The following MKS1 variants were observed in gnomAD, a reference collection of about 807,000 sequenced individuals.
MKS1 encodes MKS transition zone complex subunit 1, also known as tectonic-like complex member MKS1.
A neutral mutation model predicts 83.7 loss-of-function variants in MKS1; 70 were observed. The observed-to-expected ratio is 0.84, with a 90% CI of 0.69 to 1.02. The LOEUF (loss-of-function observed/expected upper bound fraction) is 1.02. Ranked by LOEUF, MKS1 falls within the 50% of genes least tolerant of loss-of-function variation. The pLI is 0.00. For synonymous variants in MKS1, 251 were observed against 273.4 expected (o/e 0.92, Z 0.81); for missense variants, 681 against 726.9 (o/e 0.94, Z 0.73).
rs879116076 is a variant in MKS1, at chr17:58,213,897, A to G, written c.645-28T>C. The stretch of plus-strand genomic sequence containing the variant: ...AGAAATCAGGAAAACACCAAGGTTG[A>G]GGTCAATGGTCCTTCAGGGAAACAA... On this transcript the variant is annotated intron_variant, in intron 6 of 17. Coordinates refer to ENST00000393119, the MANE Select transcript of MKS1 (RefSeq NM_017777.4). 2.6e-6 allele frequency: 4 copies of G among 1,563,044 alleles called. No individual in the cohort carries two copies. The African/African-American group carries it at 4.1e-5, about 16-fold the overall frequency.
intron 13 of MKS1, 31 bp from the exon 14 acceptor site, chr17:58,208,032 C>T: frequency 6.2e-7 from 1 of 1,611,408 alleles, no homozygotes; most frequent in Non-Finnish European, 8.5e-7. Context: ...GGCCAGGTCA[C>T]AGGCGGCCTT....
intron 2 of MKS1, among the ~76,000 whole-genome samples, chr17:58,217,505 A>AT (rs1266713437): frequency 1.3e-5 from 2 of 152,204 alleles, no homozygotes; most frequent in African/African-American, 4.8e-5. Context: ...CAAATAAATG[A>AT]TTTTTTAACA....
intron 15 of MKS1, 97 bp from the exon 16 acceptor site, chr17:58,206,644 A>G (rs988031078): frequency 9.9e-5 from 123 of 1,241,784 alleles, no homozygotes; most frequent in Non-Finnish European, 9.6e-5. Flanking sequence ...CATTCTTGGG[A>G]AGCGCAGTTC....
intron 1 of MKS1, 89 bp from the exon 2 acceptor site, chr17:58,218,818 G>A: frequency 8.1e-7 from 1 of 1,236,290 alleles, no homozygotes; most frequent in South Asian, 1.2e-5. Flanking sequence ...AACAGAGGAG[G>A]TAGGGTTGCC....
chr17:58,205,627 C>T lies in MKS1; in HGVS notation c.*452G>A, dbSNP rs1475658283. On this transcript the variant is annotated 3_prime_UTR_variant, in exon 18 of 18. Coordinates refer to ENST00000393119, the MANE Select transcript of MKS1 (RefSeq NM_017777.4). ...AGAATGAGGCTTCCCTGGAAAGAGG[C>T]TGAGACTCACAGGCTGGGGATTTAA... 7.7e-7 allele frequency: 1 copy of T among 1,306,722 alleles called. No homozygotes were observed. Among genetic ancestry groups the T allele is most frequent in the African/African-American group, 1.5e-5 (1 of 65,980 alleles). The allele number at this position is 1,306,722 out of a possible 1,614,324, so 80.9% of individuals were successfully genotyped here.
rs1445184706 is a variant in MKS1 at position 58,205,651 on chromosome 17, A to G, written c.*428T>C. ...GCTGAGACTCACAGGCTGGGGATTTAAGACCCTCTCACCGTCCACCTTCCT... is the reference window on the plus strand; with the variant it reads ...GCTGAGACTCACAGGCTGGGGATTTGAGACCCTCTCACCGTCCACCTTCCT... On this transcript the variant is annotated 3_prime_UTR_variant, in exon 18 of 18. Coordinates refer to ENST00000393119, the MANE Select transcript of MKS1 (RefSeq NM_017777.4). The G allele has an allele frequency of 7.6e-7, 1 of 1,307,768 alleles. No homozygotes were observed. Among genetic ancestry groups the G allele is most frequent in the African/African-American group, 1.5e-5 (1 of 66,012 alleles). 81.0% of individuals were successfully genotyped at this position (1,307,768 alleles called of 1,614,324 possible).
chr17:58,215,939 T>C (rs1188028546), intron 4 of MKS1, 149 bp downstream of exon 4: 2 of 953,296 alleles, frequency 2.1e-6, no homozygotes, highest in Non-Finnish European at 3.3e-6. Flanking sequence ...TATTCCAGGC[T>C]GGCTGCCAGC....
At chr17:58,211,493 T>C (rs571112291) in intron 9 of MKS1, among the ~76,000 whole-genome samples, 16 of 152,338 alleles carry the variant, frequency 1.1e-4, no homozygotes, top group Non-Finnish European at 2.2e-4. Context: ...TATCCTTGTT[T>C]CCAGGTCTAG....
At chr17:58,218,858 G>T in intron 1 of MKS1, 129 bp from the exon 2 acceptor site, 1 of 915,590 alleles carries the variant, frequency 1.1e-6, no homozygotes, top group Non-Finnish European at 1.7e-6. Context: ...CAACGGAGAG[G>T]AGGTGGGTGG....
At chr17:58,218,038 G>A (rs1242442776) in intron 2 of MKS1, among the ~76,000 whole-genome samples, 1 of 152,190 alleles carries the variant, frequency 6.6e-6, no homozygotes, top group East Asian at 1.9e-4. Context: ...CAAGAACACA[G>A]TTGATCTATA....
Position 58,214,842 on chromosome 17 carries a change from G to C in MKS1, c.418-4C>G, listed in dbSNP as rs2143809915. 4 of 1,599,222 alleles carry C rather than the reference G, an allele frequency of 2.5e-6. No individual in the cohort carries two copies. The highest frequency in any genetic ancestry group is 1.7e-4 in the Middle Eastern group (1 of 6,060). Reference sequence around the variant, plus strand: ...CAGTGGTCATTCTCTGACAGTGCTGGGAAAAGCAAGCAGCCCTGTGTACGC... The same window carrying C: ...CAGTGGTCATTCTCTGACAGTGCTGCGAAAAGCAAGCAGCCCTGTGTACGC... On this transcript the variant is annotated splice_polypyrimidine_tract_variant and splice_region_variant and intron_variant, in intron 4 of 17. Transcript: ENST00000393119.
rs774792843 is a variant in MKS1, at chr17:58,206,076, G to A, written c.*3C>T. On this transcript the variant is annotated 3_prime_UTR_variant, in exon 18 of 18. Transcript: ENST00000393119. ...TTGCACTGTGGGCCAGGGCTGCTGTGAGCTAGGAGACCAGGGTTCCAGAGG... is the reference window on the plus strand; with the variant it reads ...TTGCACTGTGGGCCAGGGCTGCTGTAAGCTAGGAGACCAGGGTTCCAGAGG... 1 of 1,609,258 alleles carries A rather than the reference G, an allele frequency of 6.2e-7. No individual in the cohort carries two copies. The highest frequency in any genetic ancestry group is 8.5e-7 in the Non-Finnish European group (1 of 1,178,352).
intron 2 of MKS1, 188 bp downstream of exon 2, chr17:58,218,432 A>C (rs924954215): frequency 1.1e-5 from 5 of 443,370 alleles, no homozygotes; most frequent in Middle Eastern, 1.4e-3. Flanking sequence ...TGGGGGAAAG[A>C]GCAAGACTCC....
At position 58,206,085 on chromosome 17, in the gene MKS1, G is replaced by A. The variant is rs376925280; in HGVS notation, c.1674C>T (p.Val558=). ...GGGCCAGGGCTGCTGTGAGCTAGGA[G>A]ACCAGGGTTCCAGAGGGGCTCACTA... The part of the protein sequence containing the change: ...QDLVSPSGTL[V]S The change falls in exon 18 of 18, where the codon GTC becomes GTT. Residue 558 remains valine, a synonymous_variant. Transcript: ENST00000393119. 9.9e-6 allele frequency: 16 copies of A among 1,610,992 alleles called. No homozygotes were observed. The highest frequency in any genetic ancestry group is 1.8e-4 in the Middle Eastern group (1 of 5,642).
At chr17:58,218,516 T>A in intron 2 of MKS1, 104 bp downstream of exon 2, 1 of 525,372 alleles carries the variant, frequency 1.9e-6, no homozygotes, top group Non-Finnish European at 3.6e-6. Flanking sequence ...GGCAACTCTA[T>A]AACATATCAG....
At chr17:58,211,976 C>G (rs1320589627) in intron 9 of MKS1, among the ~76,000 whole-genome samples, 1 of 152,112 alleles carries the variant, frequency 6.6e-6, no homozygotes, top group African/African-American at 2.4e-5. Context: ...ATTTTTCATC[C>G]TTATATTTAT....
intron 15 of MKS1, chr17:58,206,779 C>G (rs1194728115): frequency 1.4e-5 from 9 of 644,444 alleles, no homozygotes; most frequent in Non-Finnish European, 2.4e-5. Flanking sequence ...GTCTTATATG[C>G]TTACTGTGAA....
At position 58,207,194 on chromosome 17, in the gene MKS1, G is replaced by A. The variant is rs755841031; in HGVS notation, c.1298C>T (p.Thr433Met). ...CGTGCCAAGCTCCACAGGTCTCCAC[G>A]TGGAGACTGTCAGGGTGTGTGAGCC... is the stretch of plus-strand genomic sequence containing the variant. ...TPGSHTLTVSTWRPVELGTVA... is the reference protein window; with the variant it reads ...TPGSHTLTVSMWRPVELGTVA... The change falls in exon 15 of 18, where the codon ACG becomes ATG. Residue 433 changes from threonine to methionine, a missense_variant. By Grantham distance (81) the Thr-to-Met change is moderately conservative (BLOSUM62 -1). Transcript: ENST00000393119. 257 of 1,614,042 alleles carry A rather than the reference G, an allele frequency of 1.6e-4. No homozygotes were observed. Among genetic ancestry groups the A allele is most frequent in the Non-Finnish European group, 2.0e-4 (235 of 1,180,034 alleles).
rs377376912 is a variant in MKS1 at position 58,206,182 on chromosome 17, G to A, written c.1589-12C>T. On this transcript the variant is annotated splice_polypyrimidine_tract_variant and intron_variant, in intron 17 of 17. Transcript: ENST00000393119. ...TCGACGGAAGGCCTCTGTAAGGAAA[G>A]GAGATATGCTATTTGGCTGCCATAT... 7.4e-5 allele frequency: 120 copies of A among 1,613,972 alleles called. 1 individual carries two copies. The highest frequency in any genetic ancestry group is 9.6e-5 in the Non-Finnish European group (113 of 1,179,994).
Sources: gnomAD v4.1 joint callset for allele counts (sites outside exome capture counted in the v4.1 genomes callset) on GRCh38, gnomAD v4.1.1 for gene constraint, MANE v1.5 for transcripts, NCBI Gene and HGNC (gene_info 2026-07-23, HGNC 2026-07-21) for gene names.